SYN2: variants seen among roughly 807,000 people sequenced by gnomAD.
The protein encoded by SYN2 is synapsin II.
In SYN2, 19 loss-of-function variants were observed where a neutral mutation model predicts 50.9. That is an observed-to-expected ratio of 0.37 (90% CI 0.26 to 0.55). The LOEUF (loss-of-function observed/expected upper bound fraction) is 0.55. SYN2 is among the 20% of genes least tolerant of loss of function. SYN2 has a pLI of 0.81. For missense variants in SYN2, 587 were observed against 576.4 expected, an observed-to-expected ratio of 1.02 and a Z score of -0.19; for synonymous variants, 255 against 224.9, an observed-to-expected ratio of 1.13 and a Z score of -1.20.
chr3:12,079,268 T>C (rs1346658507), intron 1 of SYN2, among the ~76,000 whole-genome samples: 6 of 152,308 alleles, frequency 3.9e-5, no homozygotes, highest in Middle Eastern at 3.4e-3. Flanking sequence ...TTTGAGTTCC[T>C]CTCTTCCCGT....
chr3:12,131,354 G>A (rs907838911), intron 1 of SYN2, among the ~76,000 whole-genome samples: 3 of 152,216 alleles, frequency 2.0e-5, no homozygotes. Flanking sequence ...GACTGTGGGT[G>A]TGATTCGTGA....
chr3:12,161,461 G>A, intron 5 of SYN2, 85 bp from the exon 6 acceptor site: 1 of 1,489,022 alleles, frequency 6.7e-7, no homozygotes, highest in South Asian at 1.2e-5. Context: ...ACCCTCCCAA[G>A]GGTATTCCCA....
intron 1 of SYN2, among the ~76,000 whole-genome samples, chr3:12,026,398 T>C (rs921074337): frequency 6.6e-6 from 1 of 152,092 alleles, no homozygotes; most frequent in Non-Finnish European, 1.5e-5. Flanking sequence ...ATTTCTACCC[T>C]TAACCTTTAA....
At chr3:12,017,716 G>C (rs2125133792) in intron 1 of SYN2, among the ~76,000 whole-genome samples, 1 of 152,326 alleles carries the variant, frequency 6.6e-6, no homozygotes, top group South Asian at 2.1e-4. Flanking sequence ...TTTCATAGCA[G>C]CTTTAAGACA....
intron 1 of SYN2, among the ~76,000 whole-genome samples, chr3:12,131,662 T>C (rs985300402): frequency 2.6e-5 from 4 of 151,894 alleles, no homozygotes; most frequent in African/African-American, 4.8e-5. Context: ...TTTTTTTTTT[T>C]CCTGTATTTG....
chr3:12,096,024 G>C (rs1559417987), intron 1 of SYN2, among the ~76,000 whole-genome samples: 1 of 151,972 alleles, frequency 6.6e-6, no homozygotes, highest in Non-Finnish European at 1.5e-5. Context: ...TCAATAAATA[G>C]TACAACCATC....
At chr3:12,095,790 T>C (rs547497763) in intron 1 of SYN2, among the ~76,000 whole-genome samples, 2 of 151,756 alleles carry the variant, frequency 1.3e-5, no homozygotes, top group Non-Finnish European at 2.9e-5. Flanking sequence ...TTAGTTGTTC[T>C]CTTTCTGTAA....
At chr3:12,035,195 A>G (rs181883435) in intron 1 of SYN2, among the ~76,000 whole-genome samples, 4 of 152,224 alleles carry the variant, frequency 2.6e-5, no homozygotes, top group African/African-American at 9.6e-5. Context: ...CCTTGATTCC[A>G]TGTCCCCATC....
intron 11 of SYN2, chr3:12,184,442 G>A (rs749435716): frequency 2.0e-6 from 2 of 985,900 alleles, no homozygotes; most frequent in Non-Finnish European, 1.2e-6. Flanking sequence ...GTCTGTCAGG[G>A]ATTTGTCCAT....
chr3:12,159,322 T>G, intron 5 of SYN2: 1 of 157,922 alleles, frequency 6.3e-6, no homozygotes. Flanking sequence ...AAAGAGACAG[T>G]GACAGAGAAG....
At position 12,183,379 on chromosome 3, in the gene SYN2, T is replaced by C. The variant is rs1421432115; in HGVS notation, c.1369+7T>C. On this transcript the variant is annotated splice_region_variant and intron_variant, in intron 11 of 12. Transcript: ENST00000621198. ...CAGCGGCCACCCCCTCAAGGTTGTT[T>C]ACAGTATATTCTCGACTGTAATGGC... 6.2e-7 allele frequency: 1 copy of C among 1,613,844 alleles called. No individual in the cohort carries two copies. Among genetic ancestry groups the C allele is most frequent in the African/African-American group, 1.3e-5 (1 of 74,934 alleles).
chr3:12,051,510 C>A (rs1456904719), intron 1 of SYN2, among the ~76,000 whole-genome samples: 1 of 148,624 alleles, frequency 6.7e-6, no homozygotes, highest in African/African-American at 2.5e-5. Context: ...CCAGTGCTGC[C>A]CCTGAAGTTT....
chr3:12,020,325 C>A (rs747733100), intron 1 of SYN2, among the ~76,000 whole-genome samples: 89 of 146,450 alleles, frequency 6.1e-4, no homozygotes, highest in Non-Finnish European at 1.0e-3. Flanking sequence ...TCTTCCCCCC[C>A]ACCCTGGCCC....
At chr3:12,006,121 T>TTC (rs990004316) in intron 1 of SYN2, among the ~76,000 whole-genome samples, 1 of 152,122 alleles carries the variant, frequency 6.6e-6, no homozygotes, top group African/African-American at 2.4e-5. Context: ...CTTCACTGCT[T>TTC]TCTCTCTCTA....
intron 1 of SYN2, among the ~76,000 whole-genome samples, chr3:12,081,951 A>G (rs1695594376): frequency 6.6e-6 from 1 of 152,144 alleles, no homozygotes; most frequent in Non-Finnish European, 1.5e-5. Context: ...GAACTGAAGG[A>G]CCAATGGGCG....
chr3:12,127,120 T>A (rs1439308380), intron 1 of SYN2, among the ~76,000 whole-genome samples: 2 of 152,204 alleles, frequency 1.3e-5, no homozygotes, highest in Non-Finnish European at 2.9e-5. Flanking sequence ...AAGGAATGTG[T>A]CCAAACACTA....
At chr3:12,065,116 A>G (rs972734980) in intron 1 of SYN2, among the ~76,000 whole-genome samples, 10 of 152,166 alleles carry the variant, frequency 6.6e-5, no homozygotes, top group African/African-American at 2.4e-4. Flanking sequence ...GCCAGTAACA[A>G]TCATCAAATA....
At chr3:12,189,267 T>G (rs552070318) in intron 12 of SYN2, among the ~76,000 whole-genome samples, 23 of 152,206 alleles carry the variant, frequency 1.5e-4, no homozygotes, top group Non-Finnish European at 3.1e-4. Context: ...TGTCCTCTCC[T>G]GGAGTACAGG....
chr3:12,124,759 G>A (rs988508621), intron 1 of SYN2, among the ~76,000 whole-genome samples: 1 of 151,980 alleles, frequency 6.6e-6, no homozygotes, highest in Non-Finnish European at 1.5e-5. Flanking sequence ...TTCAGTCTAC[G>A]GATATATACA....
Sources: allele counts gnomAD v4.1 joint callset (sites outside exome capture counted in the v4.1 genomes callset), GRCh38; gene constraint gnomAD v4.1.1; transcripts MANE v1.5; gene names NCBI Gene and HGNC (gene_info 2026-07-23, HGNC 2026-07-21).